The following FGF2 variants were observed in gnomAD, a reference collection of about 807,000 sequenced individuals.
FGF2 encodes the protein basic fibroblast growth factor bFGF.
In FGF2, 13 loss-of-function variants were observed where a neutral mutation model predicts 15.9. The observed-to-expected ratio is 0.82, with a 90% CI of 0.53 to 1.30. The LOEUF is 1.30. Ranked by LOEUF, FGF2 falls within the 50% of genes most tolerant of loss-of-function variation. The pLI, the probability that FGF2 is intolerant of heterozygous loss-of-function variation, is 0.00. For missense variants in FGF2, 163 were observed against 196.9 expected (o/e 0.83, Z 1.03); for synonymous variants, 90 against 78.4 (o/e 1.15, Z -0.78).
rs62323460 is a variant in FGF2, at chr4:122,891,120, A to G, written c.283-1091A>G. ...CAGTGGCGCGATCTCGGCTCACTGCAAGCTCCGCCTCCCAGGTTCATGCCA... is the reference window on the plus strand; with the variant it reads ...CAGTGGCGCGATCTCGGCTCACTGCGAGCTCCGCCTCCCAGGTTCATGCCA... On this transcript the variant is annotated intron_variant, in intron 2 of 2. Transcript: ENST00000644866. Among the ~76,000 whole-genome samples, 611 of 149,000 alleles carry G rather than the reference A, an allele frequency of 4.1e-3. 3 individuals are homozygous for G. Among genetic ancestry groups the G allele is most frequent in the Non-Finnish European group, 5.8e-3 (395 of 67,598 alleles).
At chr4:122,868,984 G>GTT (rs1726668311) in intron 1 of FGF2, among the ~76,000 whole-genome samples, 1 of 152,044 alleles carries the variant, frequency 6.6e-6, no homozygotes, top group South Asian at 2.1e-4. Context: ...TTGTAAATTT[G>GTT]TTTAAGTTCC....
chr4:122,880,468 T>C (rs1410552201), intron 2 of FGF2, among the ~76,000 whole-genome samples: 1 of 152,080 alleles, frequency 6.6e-6, no homozygotes, highest in African/African-American at 2.4e-5. Context: ...CAGGGTGGTC[T>C]TGATCTCCCA....
chr4:122,831,543 T>G (rs1199527728), intron 1 of FGF2, among the ~76,000 whole-genome samples: 6 of 152,234 alleles, frequency 3.9e-5, no homozygotes, highest in Non-Finnish European at 7.3e-5. Context: ...GAACGTGATA[T>G]TTACTGTAAT....
chr4:122,839,577 C>T (rs1560737982), intron 1 of FGF2, among the ~76,000 whole-genome samples: 1 of 152,196 alleles, frequency 6.6e-6, no homozygotes, highest in Non-Finnish European at 1.5e-5. Flanking sequence ...TTTATTGACT[C>T]TCCTGTATTT....
intron 1 of FGF2, among the ~76,000 whole-genome samples, chr4:122,872,701 A>G (rs1726765353): frequency 6.6e-6 from 1 of 152,230 alleles, no homozygotes; most frequent in Non-Finnish European, 1.5e-5. Context: ...ATAAGCCAGA[A>G]GAGATTGGGG....
At chr4:122,863,737 G>C (rs1215297728) in intron 1 of FGF2, among the ~76,000 whole-genome samples, 1 of 152,158 alleles carries the variant, frequency 6.6e-6, no homozygotes, top group African/African-American at 2.4e-5. Flanking sequence ...TATGTTTAGA[G>C]ATGTATTGGA....
intron 1 of FGF2, among the ~76,000 whole-genome samples, chr4:122,848,910 G>A (rs781442696): frequency 6.6e-6 from 1 of 152,172 alleles, no homozygotes; most frequent in Non-Finnish European, 1.5e-5. Context: ...TACATCACTG[G>A]CACTGCTAGG....
chr4:122,830,934 A>T (rs1295905572), intron 1 of FGF2, among the ~76,000 whole-genome samples: 1 of 151,434 alleles, frequency 6.6e-6, no homozygotes, highest in Admixed American at 6.6e-5. Flanking sequence ...GCTCCAGAGG[A>T]CGCTGAGACT....
intron 1 of FGF2, among the ~76,000 whole-genome samples, chr4:122,862,414 A>G (rs544355469): frequency 6.6e-6 from 1 of 152,220 alleles, no homozygotes; most frequent in Non-Finnish European, 1.5e-5. Context: ...ATATTCCAAA[A>G]TAGGAGTTCC....
At chr4:122,845,073 A>G (rs978636921) in intron 1 of FGF2, among the ~76,000 whole-genome samples, 5 of 152,232 alleles carry the variant, frequency 3.3e-5, no homozygotes, top group Non-Finnish European at 7.3e-5. Context: ...CGGCTGCAAA[A>G]TGGATGTTGT....
At chr4:122,846,397 T>G (rs1726109540) in intron 1 of FGF2, among the ~76,000 whole-genome samples, 1 of 152,206 alleles carries the variant, frequency 6.6e-6, no homozygotes, top group African/African-American at 2.4e-5. Flanking sequence ...ACTTTAATTT[T>G]TAAAAATCAT....
intron 1 of FGF2, among the ~76,000 whole-genome samples, chr4:122,857,445 A>G (rs1028017806): frequency 3.9e-5 from 6 of 152,206 alleles, no homozygotes; most frequent in African/African-American, 1.4e-4. Context: ...AAGATGCTAA[A>G]TAGTTCCTAC....
At chr4:122,859,123 T>C (rs1726402317) in intron 1 of FGF2, among the ~76,000 whole-genome samples, 1 of 152,204 alleles carries the variant, frequency 6.6e-6, no homozygotes, top group Admixed American at 6.5e-5. Flanking sequence ...ATTGAGAGTT[T>C]CAGTTTGCTT....
chr4:122,847,593 T>C (rs1000887940), intron 1 of FGF2, among the ~76,000 whole-genome samples: 2 of 149,600 alleles, frequency 1.3e-5, no homozygotes, highest in African/African-American at 4.9e-5. Flanking sequence ...ACTGAATGAA[T>C]AGGAGATCAC....
intron 1 of FGF2, among the ~76,000 whole-genome samples, chr4:122,846,970 A>G (rs574627135): frequency 1.3e-5 from 2 of 152,298 alleles, no homozygotes; most frequent in African/African-American, 4.8e-5. Flanking sequence ...GGAAGGGGGC[A>G]TGGTCAGGCC....
chr4:122,826,780 T>G (rs1277657893), upstream of FGF2: 3 of 1,329,212 alleles, frequency 2.3e-6, no homozygotes, highest in Non-Finnish European at 1.9e-6. Flanking sequence ...GGGAGGCTGG[T>G]GGGTGTGGGG....
intron 1 of FGF2, among the ~76,000 whole-genome samples, chr4:122,874,773 T>G (rs1232369496): frequency 6.6e-6 from 1 of 152,072 alleles, no homozygotes; most frequent in Non-Finnish European, 1.5e-5. Context: ...TCTAACAAAG[T>G]TAATTATTTA....
At chr4:122,875,879 C>T (rs1726836178) in intron 1 of FGF2, among the ~76,000 whole-genome samples, 3 of 152,142 alleles carry the variant, frequency 2.0e-5, no homozygotes, top group African/African-American at 7.2e-5. Context: ...GAAGAATTGG[C>T]AAATAACTTT....
intron 1 of FGF2, among the ~76,000 whole-genome samples, chr4:122,839,152 C>A (rs1725924695): frequency 6.6e-6 from 1 of 152,068 alleles, no homozygotes; most frequent in Admixed American, 6.6e-5. Context: ...CAGAATGTAT[C>A]CCCATAGTTA....
Sources: allele counts gnomAD v4.1 joint callset (sites outside exome capture counted in the v4.1 genomes callset), GRCh38; gene constraint gnomAD v4.1.1; transcripts MANE v1.5; gene names NCBI Gene and HGNC (gene_info 2026-07-23, HGNC 2026-07-21).